The following BOLL variants were observed in gnomAD, a reference collection of about 807,000 sequenced individuals.
BOLL encodes protein boule-like.
Under a neutral mutation model 44.4 loss-of-function variants are expected in BOLL, and 23 were observed. The observed-to-expected ratio is 0.52, with a 90% confidence interval of 0.37 to 0.73. The LOEUF (loss-of-function observed/expected upper bound fraction) is 0.73, where lower values mean the gene tolerates loss of function less well. Among genes scored for constraint, BOLL ranks in the 30% least tolerant of loss-of-function variants. The pLI is 0.00. For synonymous variants in BOLL, 97 were observed against 110.8 expected (o/e 0.88, Z 0.78); for missense variants, 287 against 338.3 (o/e 0.85, Z 1.19).
At chr2:197,728,780 T>C (rs1686970559) in intron 10 of BOLL, among the ~76,000 whole-genome samples, 1 of 152,224 alleles carries the variant, frequency 6.6e-6, no homozygotes, top group African/African-American at 2.4e-5. Flanking sequence ...CTCTGAGAGC[T>C]TAGAATCTAT....
chr2:197,727,819 G>C lies in BOLL; in HGVS notation c.*736C>G, dbSNP rs1686912563. On this transcript the variant is annotated 3_prime_UTR_variant, in exon 11 of 11. Transcript: ENST00000392296. ...TGATACCAAATAAATTATGTTATAGGAAGATTTCAATATTGTCTCAAACAC... is the reference window on the plus strand; with the variant it reads ...TGATACCAAATAAATTATGTTATAGCAAGATTTCAATATTGTCTCAAACAC... The C allele has an allele frequency of 6.6e-6, 1 of 152,150 alleles. No individual in the cohort carries two copies. The highest frequency in any genetic ancestry group is 1.5e-5 in the Non-Finnish European group (1 of 68,002). 9.4% of individuals were successfully genotyped at this position (152,150 alleles called of 1,614,324 possible).
intron 2 of BOLL, among the ~76,000 whole-genome samples, chr2:197,779,284 A>G (rs1002507130): frequency 1.3e-5 from 2 of 151,994 alleles, no homozygotes; most frequent in Non-Finnish European, 2.9e-5. Flanking sequence ...TGCCAATAAA[A>G]ATGTAAGCTG....
chr2:197,773,402 T>C (rs1689356042), intron 5 of BOLL, among the ~76,000 whole-genome samples: 1 of 151,988 alleles, frequency 6.6e-6, no homozygotes. Flanking sequence ...TGAGATGGTC[T>C]GTATCCTCAA....
chr2:197,785,211 G>T lies in BOLL; in HGVS notation c.-171C>A. The stretch of plus-strand genomic sequence containing the variant: ...TCCACCCCCTCCCCACCAAAGTGCG[G>T]GAGGGAAAAGAAGGCTAGCCAGCGA... On this transcript the variant is annotated 5_prime_UTR_variant, in exon 1 of 11. Coordinates refer to ENST00000392296, the MANE Select transcript of BOLL (RefSeq NM_033030.6). The surrounding 1 kb of genome is among the most constrained non-coding windows in gnomAD (Gnocchi z 6.7). 3 of 985,940 alleles carry T rather than the reference G, an allele frequency of 3.0e-6. No homozygotes were observed. Among genetic ancestry groups the T allele is most frequent in the Non-Finnish European group, 2.4e-6 (2 of 829,948 alleles). 61.1% of individuals were successfully genotyped at this position (985,940 alleles called of 1,614,324 possible).
chr2:197,774,788 A>G (rs927788988), intron 5 of BOLL: 1 of 151,952 alleles, frequency 6.6e-6, no homozygotes, highest in African/African-American at 2.4e-5. Flanking sequence ...CTAAATTAAC[A>G]AATACTAAGT....
chr2:197,738,089 C>A (rs1353507136), intron 10 of BOLL, among the ~76,000 whole-genome samples: 2 of 151,956 alleles, frequency 1.3e-5, no homozygotes, highest in Non-Finnish European at 2.9e-5. Flanking sequence ...CCACTTATAC[C>A]CTTCATACCT....
chr2:197,764,549 C>T (rs924309422), intron 7 of BOLL, among the ~76,000 whole-genome samples: 2 of 152,118 alleles, frequency 1.3e-5, no homozygotes, highest in African/African-American at 4.8e-5. Flanking sequence ...TATTTTTCCC[C>T]CTTTCTTGTA....
intron 7 of BOLL, among the ~76,000 whole-genome samples, chr2:197,760,519 T>C (rs189021638): frequency 8.5e-4 from 130 of 152,322 alleles, no homozygotes; most frequent in African/African-American, 3.0e-3. Flanking sequence ...GCCTGTGCTC[T>C]CAGCCAGAGT....
At chr2:197,786,046 C>T (rs767198357), upstream of BOLL, 7 of 1,603,770 alleles carry the variant, frequency 4.4e-6, no homozygotes, top group African/African-American at 9.4e-5. This position sits in a 1 kb window ranked among gnomAD's most constrained non-coding sequence, Gnocchi z 5.9. Flanking sequence ...GGAAAAGAAG[C>T]CTAAAGTTTG....
intron 10 of BOLL, among the ~76,000 whole-genome samples, chr2:197,737,093 T>C (rs1463275502): frequency 6.6e-6 from 1 of 152,106 alleles, no homozygotes; most frequent in Non-Finnish European, 1.5e-5. Flanking sequence ...TCATTTTTCC[T>C]GTTTTTCAGC....
At chr2:197,762,307 G>T (rs747461728) in intron 7 of BOLL, among the ~76,000 whole-genome samples, 26 of 152,134 alleles carry the variant, frequency 1.7e-4, no homozygotes. Context: ...TCATGCCATT[G>T]CACTTTAGCC....
chr2:197,778,719 T>C (rs1456094043), intron 3 of BOLL, among the ~76,000 whole-genome samples: 2 of 151,754 alleles, frequency 1.3e-5, no homozygotes, highest in Non-Finnish European at 2.9e-5. Context: ...AAGTGCTTGC[T>C]GCCTACCACT....
intron 1 of BOLL, 145 bp downstream of exon 1, chr2:197,784,911 C>T (rs1689999044): frequency 1.0e-6 from 1 of 986,820 alleles, no homozygotes; most frequent in African/African-American, 1.7e-5. Context: ...AAGGCTCCTC[C>T]GTTTGCTAAA....
At chr2:197,747,718 G>C (rs955879934) in intron 9 of BOLL, among the ~76,000 whole-genome samples, 1 of 150,758 alleles carries the variant, frequency 6.6e-6, no homozygotes, top group African/African-American at 2.4e-5. Flanking sequence ...TATTAAAAAA[G>C]TAATAAAACA....
At chr2:197,777,166 T>A (rs1253111308) in intron 3 of BOLL, 53 bp from the exon 4 acceptor site, 1 of 1,207,394 alleles carries the variant, frequency 8.3e-7, no homozygotes, top group Non-Finnish European at 1.1e-6. Context: ...GAATGTTATA[T>A]TAATTATATT....
Position 197,747,349 on chromosome 2 carries a change from C to T in BOLL, c.730-4190G>A, listed in dbSNP as rs555950897. Among the ~76,000 whole-genome samples, 9 of 151,796 alleles carry T rather than the reference C, an allele frequency of 5.9e-5. No homozygotes were observed. The South Asian group carries it at 8.3e-4, about 14-fold the overall frequency. On this transcript the variant is annotated intron_variant, in intron 9 of 10. Coordinates refer to ENST00000392296, the MANE Select transcript of BOLL (RefSeq NM_033030.6). ...CTGTAATCTCAGCACTTTGGGAGGC[C>T]GAGGCAGGCTGATTACGAGGTCAGG...
chr2:197,744,700 T>G (rs950709242), intron 9 of BOLL, among the ~76,000 whole-genome samples: 1 of 152,204 alleles, frequency 6.6e-6, no homozygotes, highest in African/African-American at 2.4e-5. Context: ...TCTTACAAGG[T>G]GCTGCACACT....
At chr2:197,752,024 A>T (rs1197022222) in intron 9 of BOLL, among the ~76,000 whole-genome samples, 1 of 152,206 alleles carries the variant, frequency 6.6e-6, no homozygotes, top group East Asian at 1.9e-4. Context: ...GTAACCCATC[A>T]CATAAACAGA....
At chr2:197,775,607 T>C (rs534856788) in intron 5 of BOLL, 58 bp downstream of exon 5, 8 of 1,104,382 alleles carry the variant, frequency 7.2e-6, no homozygotes, top group Non-Finnish European at 1.0e-5. Flanking sequence ...AAAAGTCTTA[T>C]ATTTCAAAAA....
Sources: allele counts gnomAD v4.1 joint callset (sites outside exome capture counted in the v4.1 genomes callset), GRCh38; gene constraint gnomAD v4.1.1; non-coding constraint Gnocchi (gnomAD v3.1); transcripts MANE v1.5; gene names NCBI Gene and HGNC (gene_info 2026-07-23, HGNC 2026-07-21).